The following XPO1 variants were observed in gnomAD, a reference collection of about 807,000 sequenced individuals.
XPO1 encodes exportin-1.
XPO1 carries 5 observed loss-of-function variants against 133.3 expected under a neutral mutation model. That is an observed-to-expected ratio of 0.04 (90% confidence interval 0.02 to 0.08). The LOEUF (loss-of-function observed/expected upper bound fraction) is 0.08. XPO1 is among the 10% of genes least tolerant of loss of function. The pLI is 1.00. For synonymous variants in XPO1, 419 were observed against 408.2 expected (o/e 1.03, Z -0.32); for missense variants, 506 against 1,267.5 (o/e 0.40, Z 9.12).
At chr2:61,498,648 A>C in intron 9 of XPO1, 25 bp downstream of exon 9, 1 of 1,610,444 alleles carries the variant, frequency 6.2e-7, no homozygotes, top group Non-Finnish European at 8.5e-7. Context: ...TCCGGTGACA[A>C]ATAACTGAAA....
chr2:61,484,146 T>C, intron 20 of XPO1, 41 bp from the exon 21 acceptor site: 1 of 1,555,336 alleles, frequency 6.4e-7, no homozygotes, highest in Non-Finnish European at 8.9e-7. Context: ...TTTCAGTGTC[T>C]TTGTTGTGCT....
At chr2:61,485,367 C>T (rs115378866) in intron 20 of XPO1, 2,412 of 156,832 alleles carry the variant, frequency 0.015, 53 homozygotes, top group African/African-American at 0.053. Flanking sequence ...ATCTGTTTTC[C>T]ATATTTACTT....
Position 61,492,881 on chromosome 2 carries a change from T to C in XPO1, c.1384+34A>G. 6.4e-7 allele frequency: 1 copy of C among 1,573,234 alleles called. No homozygotes were observed. The highest frequency in any genetic ancestry group is 8.6e-7 in the Non-Finnish European group (1 of 1,161,704). ...GTATTTCCACCCCAGAATAGATTTA[T>C]AAAGGTAAAGATTAACAGTATTTAT... On this transcript the variant is annotated intron_variant, in intron 13 of 24. Coordinates refer to ENST00000401558, the MANE Select transcript of XPO1 (RefSeq NM_003400.4). This position sits in a 1 kb window ranked among gnomAD's most constrained non-coding sequence, Gnocchi z 5.6.
At chr2:61,508,025 A>C (rs1359352640) in intron 4 of XPO1, among the ~76,000 whole-genome samples, 2 of 152,234 alleles carry the variant, frequency 1.3e-5, no homozygotes, top group East Asian at 3.9e-4. Context: ...TAGTGGCCCA[A>C]GACCCTATTC....
At chr2:61,514,020 T>C (rs1367939704) in intron 4 of XPO1, among the ~76,000 whole-genome samples, 3 of 151,780 alleles carry the variant, frequency 2.0e-5, no homozygotes, top group Non-Finnish European at 4.4e-5. Context: ...CCATCTCTAC[T>C]ACTAAAAATA....
intron 4 of XPO1, among the ~76,000 whole-genome samples, chr2:61,512,216 T>C (rs1455731245): frequency 1.3e-5 from 2 of 152,232 alleles, no homozygotes; most frequent in Admixed American, 6.5e-5. Context: ...GAATTTGTTT[T>C]AGATGCAAGG....
In XPO1 at chr2:61,478,071, G is replaced by T; in HGVS notation, c.*749C>A. 4.3e-6 allele frequency: 1 copy of T among 230,648 alleles called. No individual in the cohort carries two copies. Among genetic ancestry groups the T allele is most frequent in the Non-Finnish European group, 8.6e-6 (1 of 116,118 alleles). 14.3% of individuals were successfully genotyped at this position (230,648 alleles called of 1,614,324 possible). ...TTTAATGAGTTGTTAAAAAGATGCA[G>T]CCTATTCTAACAGGATAAATATTTT... On this transcript the variant is annotated 3_prime_UTR_variant, in exon 25 of 25. Transcript: ENST00000401558.
intron 4 of XPO1, among the ~76,000 whole-genome samples, chr2:61,511,389 A>C (rs1355144355): frequency 6.6e-6 from 1 of 151,754 alleles, no homozygotes; most frequent in Non-Finnish European, 1.5e-5. Flanking sequence ...AGCCTCCCAA[A>C]GTCCTGGGAT....
Position 61,497,027 on chromosome 2 carries a change from G to A in XPO1, c.760-20C>T, listed in dbSNP as rs1340382698. 3 of 1,590,552 alleles carry A rather than the reference G, an allele frequency of 1.9e-6. No individual in the cohort carries two copies. Among genetic ancestry groups the A allele is most frequent in the Non-Finnish European group, 2.6e-6 (3 of 1,172,790 alleles). ...CAGGAACTATTTAAAAGGGGGGAGG[G>A]AACCATAAAATTAATTGGCCTGATA... On this transcript the variant is annotated intron_variant, in intron 9 of 24. Coordinates refer to ENST00000401558, the MANE Select transcript of XPO1 (RefSeq NM_003400.4).
At chr2:61,480,445 A>C (rs1325715149) in intron 24 of XPO1, 1 of 151,128 alleles carries the variant, frequency 6.6e-6, no homozygotes. Flanking sequence ...ACGCCTGGCT[A>C]ATTTTTGTAT....
At chr2:61,499,917 A>C (rs750690496) in intron 6 of XPO1, 23 bp from the exon 7 acceptor site, 2 of 1,594,134 alleles carry the variant, frequency 1.3e-6, no homozygotes, top group Non-Finnish European at 1.7e-6. Context: ...ATGAAATGTT[A>C]ATCGCACTTC....
chr2:61,530,990 G>A (rs973118584), intron 2 of XPO1, among the ~76,000 whole-genome samples: 5 of 152,056 alleles, frequency 3.3e-5, no homozygotes, highest in Non-Finnish European at 7.4e-5. Context: ...ATCTCTTGTA[G>A]GACAGGTCAT....
intron 4 of XPO1, among the ~76,000 whole-genome samples, chr2:61,521,841 A>G (rs569099735): frequency 1.3e-5 from 2 of 150,552 alleles, no homozygotes; most frequent in Non-Finnish European, 3.0e-5. Flanking sequence ...CTGCAGTCTC[A>G]ACCTCTTGGC....
In XPO1 at chr2:61,524,676, A is replaced by G. The variant is rs2104768895; in HGVS notation, c.228+1744T>C. On this transcript the variant is annotated intron_variant, in intron 3 of 24. Coordinates refer to ENST00000401558, the MANE Select transcript of XPO1 (RefSeq NM_003400.4). ...CAAAGTGGCCCTCGCCTGTAATCCC[A>G]ACATTTTGGGGAGGCCAAGGCGGGA... is the stretch of plus-strand genomic sequence containing the variant. Among the ~76,000 whole-genome samples the G allele has an allele frequency of 1.3e-5, 2 of 152,362 alleles. 1 individual carries two copies. The highest frequency in any genetic ancestry group is 4.1e-4 in the South Asian group (2 of 4,832).
chr2:61,491,626 G>A (rs1697003155), intron 16 of XPO1, among the ~76,000 whole-genome samples: 1 of 152,208 alleles, frequency 6.6e-6, no homozygotes, highest in South Asian at 2.1e-4. Flanking sequence ...GCTGGGCGTG[G>A]TGGCTCACAC....
chr2:61,503,421 C>T (rs1697639056), intron 4 of XPO1, among the ~76,000 whole-genome samples: 1 of 151,602 alleles, frequency 6.6e-6, no homozygotes, highest in Admixed American at 6.6e-5. Flanking sequence ...CCACCACATC[C>T]AGCTACTATT....
intron 18 of XPO1, 62 bp from the exon 19 acceptor site, chr2:61,488,333 T>G: frequency 6.9e-7 from 1 of 1,454,076 alleles, no homozygotes; most frequent in South Asian, 1.2e-5. Flanking sequence ...GGTACTCAGG[T>G]GTACATTAGA....
Position 61,497,414 on chromosome 2 carries a change from G to T in XPO1, c.760-407C>A, listed in dbSNP as rs559680853. ...TTTAGTAGAGACAGGGTTTTGCCACGTTGGGCCAGGCTGGTCTCGATCTCC... is the reference window on the plus strand; with the variant it reads ...TTTAGTAGAGACAGGGTTTTGCCACTTTGGGCCAGGCTGGTCTCGATCTCC... On this transcript the variant is annotated intron_variant, in intron 9 of 24. Transcript: ENST00000401558. Among the ~76,000 whole-genome samples the T allele has an allele frequency of 2.0e-5, 3 of 152,158 alleles. No homozygotes were observed. In the East Asian group the frequency reaches 5.8e-4, roughly 29 times the overall value.
intron 4 of XPO1, among the ~76,000 whole-genome samples, chr2:61,512,577 C>G (rs1698148045): frequency 6.6e-6 from 1 of 152,128 alleles, no homozygotes; most frequent in Non-Finnish European, 1.5e-5. Flanking sequence ...TCTATATTAG[C>G]AAGAAATAAT....
Sources: gnomAD v4.1 joint callset for allele counts (sites outside exome capture counted in the v4.1 genomes callset) on GRCh38, gnomAD v4.1.1 for gene constraint, Gnocchi (gnomAD v3.1) non-coding constraint, MANE v1.5 for transcripts, NCBI Gene and HGNC (gene_info 2026-07-23, HGNC 2026-07-21) for gene names.